The following SH3GL2 variants were observed in gnomAD, a reference collection of about 807,000 sequenced individuals.
The protein encoded by SH3GL2 is endophilin-A1.
In SH3GL2, 24 loss-of-function variants were observed where a neutral mutation model predicts 46.0. That is an observed-to-expected ratio of 0.52 (90% CI 0.38 to 0.73). The LOEUF is 0.73. Among genes scored for constraint, SH3GL2 ranks in the 30% least tolerant of loss-of-function variants. The pLI, the probability that SH3GL2 is intolerant of heterozygous loss-of-function variation, is 0.00. For synonymous variants in SH3GL2, 196 were observed against 147.1 expected, an observed-to-expected ratio of 1.33 and a Z score of -2.40; for missense variants, 413 against 424.2, an observed-to-expected ratio of 0.97 and a Z score of 0.23.
At chr9:17,599,411 CAGTGCCAAAT>C (rs899903911) in intron 1 of SH3GL2, among the ~76,000 whole-genome samples, 2 of 152,184 alleles carry the variant, frequency 1.3e-5, no homozygotes, top group African/African-American at 4.8e-5. Context: ...GGCAAGGGTA[CAGTGCCAAAT>C]GGCACTGTAT....
chr9:17,673,493 C>T (rs778226331), intron 1 of SH3GL2, among the ~76,000 whole-genome samples: 1 of 151,952 alleles, frequency 6.6e-6, no homozygotes, highest in Non-Finnish European at 1.5e-5. Context: ...TTTGCCTGCT[C>T]AAGTCCATCT....
At chr9:17,768,541 A>G (rs376039631) in intron 3 of SH3GL2, among the ~76,000 whole-genome samples, 8 of 152,066 alleles carry the variant, frequency 5.3e-5, no homozygotes, top group African/African-American at 1.9e-4. Flanking sequence ...GGCCTTTAAG[A>G]TCCAGCATGT....
chr9:17,793,625 C>A, intron 8 of SH3GL2, 128 bp downstream of exon 8: 2 of 840,642 alleles, frequency 2.4e-6, no homozygotes, highest in South Asian at 3.3e-5. Context: ...CTTATGGAGT[C>A]AGTTGTCAGG....
intron 1 of SH3GL2, among the ~76,000 whole-genome samples, chr9:17,633,117 A>C (rs116420481): frequency 0.013 from 1,953 of 152,258 alleles, 62 homozygotes; most frequent in African/African-American, 0.044. Context: ...AAGGCTTTTC[A>C]GTGGCTTCTG....
chr9:17,584,517 A>C (rs775878864), intron 1 of SH3GL2, among the ~76,000 whole-genome samples: 14 of 152,186 alleles, frequency 9.2e-5, no homozygotes, highest in Non-Finnish European at 1.8e-4. Context: ...AAATAAATAA[A>C]TAAATTCATC....
chr9:17,689,095 TATG>T (rs1215774427), intron 1 of SH3GL2, among the ~76,000 whole-genome samples: 1 of 152,170 alleles, frequency 6.6e-6, no homozygotes, highest in South Asian at 2.1e-4. Flanking sequence ...GTTCCCTTAA[TATG>T]ATGTGATGAA....
Position 17,579,144 on chromosome 9 carries a change from C to A in SH3GL2, c.-99C>A. The A allele has an allele frequency of 1.3e-5, 10 of 798,360 alleles. No homozygotes were observed. Among genetic ancestry groups the A allele is most frequent in the Non-Finnish European group, 1.8e-5 (10 of 547,618 alleles). 49.5% of individuals were successfully genotyped at this position (798,360 alleles called of 1,614,324 possible). A position where few individuals can be genotyped will look rare whatever the true frequency, so the allele number is the denominator to read the frequency against. ...GCCCATAGCCCCGGCGGCGGCACGA[C>A]CAGAGGCGGCCAGGGGAGCGCGCCG... On this transcript the variant is annotated 5_prime_UTR_variant, in exon 1 of 9. Transcript: ENST00000380607.
chr9:17,691,745 CA>C (rs1273228627), intron 1 of SH3GL2, among the ~76,000 whole-genome samples: 3 of 152,092 alleles, frequency 2.0e-5, no homozygotes, highest in African/African-American at 7.2e-5. Flanking sequence ...TATTCACTAA[CA>C]ATATAGATTA....
intron 3 of SH3GL2, among the ~76,000 whole-genome samples, chr9:17,768,234 G>T (rs1277168898): frequency 6.6e-6 from 1 of 151,794 alleles, no homozygotes; most frequent in Non-Finnish European, 1.5e-5. Context: ...AGCTGCTGTT[G>T]GTGGTGGGCA....
intron 1 of SH3GL2, among the ~76,000 whole-genome samples, chr9:17,587,442 G>A (rs896196879): frequency 6.6e-6 from 1 of 152,186 alleles, no homozygotes; most frequent in African/African-American, 2.4e-5. Flanking sequence ...GGTCTAAGGA[G>A]GGTTAGAGGA....
intron 1 of SH3GL2, among the ~76,000 whole-genome samples, chr9:17,673,070 G>T (rs1199205326): frequency 6.6e-6 from 1 of 152,020 alleles, no homozygotes; most frequent in Non-Finnish European, 1.5e-5. Context: ...GCCATGGTCT[G>T]TCAATTCTGC....
intron 1 of SH3GL2, among the ~76,000 whole-genome samples, chr9:17,602,712 G>A (rs1818693757): frequency 6.6e-6 from 1 of 152,202 alleles, no homozygotes; most frequent in South Asian, 2.1e-4. Flanking sequence ...CATTTTTGGG[G>A]AAGATGGAGT....
rs143213983 is a variant in SH3GL2, at chr9:17,731,129, C to T, written c.46-15937C>T. On this transcript the variant is annotated intron_variant, in intron 1 of 8. Transcript: ENST00000380607. Reference sequence around the variant, plus strand: ...GGAATGATACCTTTTCCTAAAGCAGCGTCCTTTGGTTATGCCAAGCTGTTA... The same window carrying T: ...GGAATGATACCTTTTCCTAAAGCAGTGTCCTTTGGTTATGCCAAGCTGTTA... 3.5e-3 allele frequency among the ~76,000 whole-genome samples: 533 copies of T among 152,160 alleles called. 3 individuals are homozygous for T. Among genetic ancestry groups the T allele is most frequent in the African/African-American group, 7.8e-3 (324 of 41,532 alleles).
rs909902879 is a variant in SH3GL2 at position 17,611,949 on chromosome 9, C to G, written c.45+32662C>G. Among the ~76,000 whole-genome samples the G allele has an allele frequency of 5.9e-5, 9 of 152,156 alleles. No individual in the cohort carries two copies. In the South Asian group the frequency reaches 1.4e-3, roughly 25 times the overall value. On this transcript the variant is annotated intron_variant, in intron 1 of 8. Coordinates refer to ENST00000380607, the MANE Select transcript of SH3GL2 (RefSeq NM_003026.5). ...AGAATGCTTTATGGTTCTGTAAGCTCTTTTTGTGTGCATCATCTTCTTTCA... is the reference window on the plus strand; with the variant it reads ...AGAATGCTTTATGGTTCTGTAAGCTGTTTTTGTGTGCATCATCTTCTTTCA...
At chr9:17,617,256 G>A (rs1338130735) in intron 1 of SH3GL2, among the ~76,000 whole-genome samples, 1 of 152,162 alleles carries the variant, frequency 6.6e-6, no homozygotes, top group African/African-American at 2.4e-5. Context: ...TTTGAACAAT[G>A]CTGCAGTATA....
chr9:17,711,607 A>C (rs897579623), intron 1 of SH3GL2, among the ~76,000 whole-genome samples: 9 of 151,774 alleles, frequency 5.9e-5, no homozygotes, highest in African/African-American at 2.2e-4. Context: ...AATCGGCATA[A>C]TTGTTTTGAG....
intron 1 of SH3GL2, among the ~76,000 whole-genome samples, chr9:17,607,946 G>C (rs1440351195): frequency 6.6e-6 from 1 of 152,006 alleles, no homozygotes; most frequent in Non-Finnish European, 1.5e-5. Flanking sequence ...ACTTGTGCTT[G>C]GTGCTAGGCA....
At chr9:17,635,657 G>C (rs1309889078) in intron 1 of SH3GL2, among the ~76,000 whole-genome samples, 1 of 152,182 alleles carries the variant, frequency 6.6e-6, no homozygotes, top group Non-Finnish European at 1.5e-5. Context: ...AAAGTCATGT[G>C]CCTGCTGTGA....
intron 1 of SH3GL2, among the ~76,000 whole-genome samples, chr9:17,579,514 C>A (rs1361313359): frequency 6.6e-6 from 1 of 152,024 alleles, no homozygotes; most frequent in Non-Finnish European, 1.5e-5. Flanking sequence ...TCCCGCGGGT[C>A]CCCGGCGTCC....
Sources: gnomAD v4.1 joint callset for allele counts (sites outside exome capture counted in the v4.1 genomes callset) on GRCh38, gnomAD v4.1.1 for gene constraint, MANE v1.5 for transcripts, NCBI Gene and HGNC (gene_info 2026-07-23, HGNC 2026-07-21) for gene names.